Variants in BLNK observed in about 807,000 individuals in gnomAD.
BLNK encodes the protein B-cell linker protein.
BLNK carries 29 observed loss-of-function variants against 73.5 expected under a neutral mutation model. The observed-to-expected ratio is 0.39, with a 90% CI of 0.29 to 0.54. The LOEUF (loss-of-function observed/expected upper bound fraction) is 0.54, where lower values mean the gene tolerates loss of function less well. BLNK is among the 20% of genes least tolerant of loss of function. The pLI, the probability that BLNK is intolerant of heterozygous loss-of-function variation, is 0.61. For missense variants in BLNK, 460 were observed against 562.8 expected, an observed-to-expected ratio of 0.82 and a Z score of 1.85; for synonymous variants, 176 against 200.8, an observed-to-expected ratio of 0.88 and a Z score of 1.04.
chr10:96,223,496 G>C (rs1478684953), intron 6 of BLNK, among the ~76,000 whole-genome samples: 3 of 152,128 alleles, frequency 2.0e-5, no homozygotes, highest in African/African-American at 7.2e-5. Flanking sequence ...GTAACAACAG[G>C]ACAGAGAAGC....
intron 1 of BLNK, among the ~76,000 whole-genome samples, chr10:96,263,798 T>C (rs190702846): frequency 5.5e-4 from 83 of 152,216 alleles, no homozygotes; most frequent in Admixed American, 2.4e-3. Context: ...TAACACACAG[T>C]GAAGAGGAGC....
At chr10:96,262,088 C>T (rs1476407687) in intron 1 of BLNK, among the ~76,000 whole-genome samples, 1 of 152,184 alleles carries the variant, frequency 6.6e-6, no homozygotes, top group Non-Finnish European at 1.5e-5. Context: ...TGTTCCTGAA[C>T]AATGATCCAT....
chr10:96,227,578 G>T lies in BLNK; in HGVS notation c.205-12C>A. On this transcript the variant is annotated splice_polypyrimidine_tract_variant and intron_variant, in intron 4 of 16. Coordinates refer to ENST00000224337, the MANE Select transcript of BLNK (RefSeq NM_013314.4). The stretch of plus-strand genomic sequence containing the variant: ...TCATAGTCGCTGTCCTGCAAGTGCA[G>T]ATGCAGACACTGTGCTCAGCATCCC... 1 of 1,613,846 alleles carries T rather than the reference G, an allele frequency of 6.2e-7. No individual in the cohort carries two copies. Among genetic ancestry groups the T allele is most frequent in the Non-Finnish European group, 8.5e-7 (1 of 1,180,044 alleles).
chr10:96,200,761 T>G lies in BLNK; in HGVS notation c.1011+221A>C, dbSNP rs782716828. Among the ~76,000 whole-genome samples, 1 of 152,342 alleles carries G rather than the reference T, an allele frequency of 6.6e-6. No homozygotes were observed. The highest frequency in any genetic ancestry group is 6.5e-5 in the Admixed American group (1 of 15,298). On this transcript the variant is annotated intron_variant, in intron 14 of 16. Coordinates refer to ENST00000224337, the MANE Select transcript of BLNK (RefSeq NM_013314.4). This position sits in a 1 kb window ranked among gnomAD's most constrained non-coding sequence, Gnocchi z 4.3. Reference sequence around the variant, plus strand: ...GGAAGAATAATGAAAACACATTTCCTTGCTAGTTTTGAGGAAACATTAACT... The same window carrying G: ...GGAAGAATAATGAAAACACATTTCCGTGCTAGTTTTGAGGAAACATTAACT...
chr10:96,199,124 C>T (rs2168733), intron 15 of BLNK, among the ~76,000 whole-genome samples: 1 of 152,012 alleles, frequency 6.6e-6, no homozygotes, highest in East Asian at 1.9e-4. Flanking sequence ...AAAGGACTGA[C>T]GGAACACACT....
chr10:96,214,122 G>T (rs2084007596), intron 8 of BLNK, among the ~76,000 whole-genome samples: 1 of 152,200 alleles, frequency 6.6e-6, no homozygotes, highest in East Asian at 1.9e-4. Context: ...TGAGAGAAGA[G>T]AGTGTGTGTG....
In BLNK at chr10:96,197,033, C is replaced by T; in HGVS notation, c.1126G>A (p.Gly376Ser). The change falls in exon 16 of 17, where the codon GGC (glycine) becomes AGC (serine). Residue 376 changes from glycine (G) to serine (S), a missense_variant. Gly to Ser is a moderately conservative substitution (Grantham distance 56, BLOSUM62 0). This residue lies in a region of BLNK where 88 missense variants were observed against 143.4 expected (regional missense o/e 0.61). Coordinates refer to ENST00000224337, the MANE Select transcript of BLNK (RefSeq NM_013314.4). Reference protein sequence around the residue: ...DGSFLIRKSSGHDSKQPYTLV... With the variant: ...DGSFLIRKSSSHDSKQPYTLV... ...GTATATGGTTGTTTGGAATCATGGC[C>T]AGAGCTTTTCCGAATAAGAAATGAT... 1 of 1,612,856 alleles carries T rather than the reference C, an allele frequency of 6.2e-7. No individual in the cohort carries two copies. The highest frequency in any genetic ancestry group is 8.5e-7 in the Non-Finnish European group (1 of 1,179,456).
intron 4 of BLNK, among the ~76,000 whole-genome samples, chr10:96,229,207 G>A (rs587625349): frequency 3.3e-5 from 5 of 152,036 alleles, no homozygotes; most frequent in Non-Finnish European, 7.4e-5. Context: ...CCCATTAACT[G>A]TCCCTGTTTC....
chr10:96,216,607 AT>A, intron 7 of BLNK, 45 bp downstream of exon 7: 1 of 1,526,548 alleles, frequency 6.6e-7, no homozygotes, highest in African/African-American at 1.4e-5. Context: ...ATACATCCTG[AT>A]CAACTGCTAA....
chr10:96,201,813 C>T (rs1554896267), intron 13 of BLNK, among the ~76,000 whole-genome samples: 1 of 152,120 alleles, frequency 6.6e-6, no homozygotes, highest in African/African-American at 2.4e-5. Context: ...GGATATACAG[C>T]AGTTAACAAA....
At chr10:96,249,284 G>C (rs1843178721) in intron 1 of BLNK, among the ~76,000 whole-genome samples, 1 of 152,244 alleles carries the variant, frequency 6.6e-6, no homozygotes, top group Non-Finnish European at 1.5e-5. Context: ...GGACATCTGG[G>C]AGAAATACTC....
At chr10:96,230,946 G>C in intron 3 of BLNK, 112 bp from the exon 4 acceptor site, 1 of 1,085,020 alleles carries the variant, frequency 9.2e-7, no homozygotes, top group Non-Finnish European at 1.4e-6. Context: ...GCTTTCTGGT[G>C]CCATATACTT....
At chr10:96,219,388 C>T (rs2084142811) in intron 6 of BLNK, among the ~76,000 whole-genome samples, 1 of 152,224 alleles carries the variant, frequency 6.6e-6, no homozygotes, top group South Asian at 2.1e-4. Flanking sequence ...AACCCAACTT[C>T]TCTTCTAGGC....
chr10:96,240,124 G>C (rs1902711), intron 3 of BLNK, among the ~76,000 whole-genome samples: 1 of 152,134 alleles, frequency 6.6e-6, no homozygotes, highest in African/African-American at 2.4e-5. Flanking sequence ...CCTCACAGCA[G>C]GTACCATGTT....
intron 15 of BLNK, chr10:96,199,540 G>A (rs1554895547): frequency 4.4e-6 from 2 of 459,606 alleles, no homozygotes. Context: ...GGTCCTTGAG[G>A]AGATGAAAGG....
chr10:96,206,905 C>T (rs1243465635), intron 11 of BLNK, 106 bp downstream of exon 11: 1 of 1,237,538 alleles, frequency 8.1e-7, no homozygotes, highest in Non-Finnish European at 1.2e-6. Flanking sequence ...AATTGAGTTT[C>T]ATGTTTACAA....
chr10:96,247,376 T>C (rs1843088372), intron 1 of BLNK, among the ~76,000 whole-genome samples: 1 of 152,230 alleles, frequency 6.6e-6, no homozygotes, highest in African/African-American at 2.4e-5. Context: ...TGCTACTCTG[T>C]GGACATAGCA....
chr10:96,248,113 T>A (rs1335901753), intron 1 of BLNK, among the ~76,000 whole-genome samples: 1 of 152,226 alleles, frequency 6.6e-6, no homozygotes, highest in African/African-American at 2.4e-5. Context: ...TAAGAATATG[T>A]ACAAAATCAA....
At position 96,216,718 on chromosome 10, in the gene BLNK, G is replaced by C. The variant is rs782772530; in HGVS notation, c.542C>G (p.Pro181Arg). The C allele has an allele frequency of 1.2e-6, 2 of 1,613,974 alleles. No homozygotes were observed. The highest frequency in any genetic ancestry group is 1.1e-5 in the South Asian group (1 of 91,084). Residue 181 changes from proline (P) to arginine (R), a missense_variant, in exon 7 of 17, where the codon CCC becomes CGC. By Grantham distance (103) the Pro-to-Arg change is moderately radical (BLOSUM62 -2). Transcript: ENST00000224337. ...ATAGTTTTCATCATTATCTTCCACG[G>C]GGACCACATAATCAGCCTAACAGAA... ...LLEDEADYVV[P>R]VEDNDENYIH...
Sources: allele counts gnomAD v4.1 joint callset (sites outside exome capture counted in the v4.1 genomes callset), GRCh38; gene constraint gnomAD v4.1.1; regional missense constraint gnomAD v4.1.1; non-coding constraint Gnocchi (gnomAD v3.1); transcripts MANE v1.5; gene names NCBI Gene and HGNC (gene_info 2026-07-23, HGNC 2026-07-21).